CUX1: variants seen among roughly 807,000 people sequenced by gnomAD.
The protein encoded by CUX1 is protein CASP.
CUX1 carries 31 observed loss-of-function variants against 158.8 expected under a neutral mutation model. The ratio of observed to expected loss-of-function variants is 0.20; its 90% CI spans 0.15 to 0.26. CUX1 has a LOEUF of 0.26. Among genes scored for constraint, CUX1 ranks in the 10% least tolerant of loss-of-function variants. CUX1 has a pLI of 1.00. For missense variants in CUX1, 1,589 were observed against 2,014.6 expected (o/e 0.79, Z 4.04); for synonymous variants, 879 against 862.1 (o/e 1.02, Z -0.34).
chr7:102,063,619 C>G lies in CUX1; in HGVS notation c.190-6720C>G, dbSNP rs139042932. Among the ~76,000 whole-genome samples the G allele has an allele frequency of 5.8e-3, 887 of 152,218 alleles. 8 individuals carry two copies. The highest frequency in any genetic ancestry group is 0.021 in the African/African-American group (858 of 41,548). ...TGTTGGCCAGGCTGGTCTCGAACTC[C>G]TGACCTCAAGTGATCCACCCACCTT... is the stretch of plus-strand genomic sequence containing the variant. On this transcript the variant is annotated intron_variant, in intron 3 of 23. Coordinates refer to ENST00000292535, the MANE Select transcript of CUX1 (RefSeq NM_181552.4).
chr7:102,253,043 A>G lies in CUX1; in HGVS notation c.*4001A>G. Reference sequence around the variant, plus strand: ...TTTGTGCAAGTAATTGAGGCAAAAGATACCAGTCGACAGCCTCCCTGGGGT... The same window carrying G: ...TTTGTGCAAGTAATTGAGGCAAAAGGTACCAGTCGACAGCCTCCCTGGGGT... On this transcript the variant is annotated 3_prime_UTR_variant, in exon 24 of 24. Transcript: ENST00000292535. The G allele has an allele frequency of 1.0e-6, 1 of 985,450 alleles. No individual in the cohort carries two copies. Among genetic ancestry groups the G allele is most frequent in the Non-Finnish European group, 1.2e-6 (1 of 829,940 alleles). The allele number at this position is 985,450 out of a possible 1,614,324, so 61.0% of individuals were successfully genotyped here. A position where few individuals can be genotyped will look rare whatever the true frequency, so the allele number is the denominator to read the frequency against.
chr7:101,947,756 G>T (rs1808572485), intron 2 of CUX1, among the ~76,000 whole-genome samples: 1 of 152,136 alleles, frequency 6.6e-6, no homozygotes, highest in African/African-American at 2.4e-5. Context: ...TTTTAAAGCA[G>T]TAAATGAAAT....
chr7:102,253,427 A>G lies in CUX1; in HGVS notation c.*4385A>G. 1.0e-6 allele frequency: 1 copy of G among 985,506 alleles called. No individual in the cohort carries two copies. The allele number at this position is 985,506 out of a possible 1,614,324, so 61.0% of individuals were successfully genotyped here. A position where few individuals can be genotyped will look rare whatever the true frequency, so the allele number is the denominator to read the frequency against. On this transcript the variant is annotated 3_prime_UTR_variant, in exon 24 of 24. Coordinates refer to ENST00000292535, the MANE Select transcript of CUX1 (RefSeq NM_181552.4). ...AAAAGAGAGGGGAACAGGAGTCCCC[A>G]GGTGAGCTCTCTGACGGGCAGGTGC...
intron 1 of CUX1, among the ~76,000 whole-genome samples, chr7:101,826,164 C>A (rs1156899337): frequency 6.6e-6 from 1 of 152,054 alleles, no homozygotes; most frequent in Non-Finnish European, 1.5e-5. Context: ...CTCTGTACAT[C>A]TGAGCTTCAA....
chr7:102,044,507 A>C (rs1822508846), intron 3 of CUX1, among the ~76,000 whole-genome samples: 1 of 152,092 alleles, frequency 6.6e-6, no homozygotes, highest in East Asian at 1.9e-4. Context: ...CCCATTTTCT[A>C]AACAGGGTGC....
At chr7:102,159,319 C>T (rs1554506358) in intron 9 of CUX1, among the ~76,000 whole-genome samples, 1 of 152,242 alleles carries the variant, frequency 6.6e-6, no homozygotes, top group African/African-American at 2.4e-5. Context: ...CCAAAGAGGG[C>T]TCTCAGCTGA....
At chr7:102,210,699 T>C (rs374907309) in intron 20 of CUX1, among the ~76,000 whole-genome samples, 12 of 152,324 alleles carry the variant, frequency 7.9e-5, no homozygotes, top group African/African-American at 2.6e-4. Context: ...CCAAGCCTTC[T>C]CTGCTGCCTG....
Position 102,060,608 on chromosome 7 carries a change from A to AACACACACACACACACACACAC in CUX1, c.190-9716_190-9695dup, listed in dbSNP as rs58786987. 3.5e-4 allele frequency among the ~76,000 whole-genome samples: 47 copies of AACACACACACACACACACACAC among 133,306 alleles called. 1 individual carries two copies. The highest frequency in any genetic ancestry group is 2.8e-3 in the Admixed American group (36 of 12,778). The allele number at this position is 133,306 out of a possible 152,430, so 87.5% of individuals were successfully genotyped here. A position where few individuals can be genotyped will look rare whatever the true frequency, so the allele number is the denominator to read the frequency against. ...ATATATATATACACACACACAAATA[A>AACACACACACACACACACACAC]ACACACACACACACACACACACACA... On this transcript the variant is annotated intron_variant, in intron 3 of 23. Transcript: ENST00000292535.
intron 16 of CUX1, chr7:102,274,361 C>T (rs1791448114): frequency 5.3e-6 from 8 of 1,500,992 alleles, no homozygotes; most frequent in Non-Finnish European, 7.4e-6. Flanking sequence ...GAAGAGGAGA[C>T]AGGTGATACC....
intron 1 of CUX1, among the ~76,000 whole-genome samples, chr7:101,884,976 C>T (rs1326122019): frequency 5.9e-5 from 9 of 152,166 alleles, no homozygotes; most frequent in South Asian, 2.1e-4. Context: ...TTCATTTCCT[C>T]GCTGGGTTCC....
chr7:101,893,961 T>C (rs1801190332), intron 1 of CUX1, among the ~76,000 whole-genome samples: 1 of 152,218 alleles, frequency 6.6e-6, no homozygotes. Flanking sequence ...AATCTTCTTG[T>C]GGATATTTAA....
In CUX1 at chr7:102,196,924, A is replaced by T; in HGVS notation, c.1513A>T (p.Met505Leu). Residue 505 changes from methionine (M) to leucine (L), a missense_variant, in exon 15 of 24, where the codon ATG becomes TTG. Physicochemically the swap from Met to Leu is conservative, Grantham distance 15. This residue lies in a region of CUX1 where 515 missense variants were observed against 574.4 expected (regional missense o/e 0.90). Transcript: ENST00000292535. Reference sequence around the variant, plus strand: ...TATGCAGGAAGCCGGAAGCACAAGCATGATTTTTTCAACAGGTCCATACAG... The same window carrying T: ...TATGCAGGAAGCCGGAAGCACAAGCTTGATTTTTTCAACAGGTCCATACAG... The part of the protein sequence containing the change: ...KAMQEAGSTS[M>L]IFSTGPYSTN... The T allele has an allele frequency of 6.2e-7, 1 of 1,614,210 alleles. No individual in the cohort carries two copies. Among genetic ancestry groups the T allele is most frequent in the Non-Finnish European group, 8.5e-7 (1 of 1,180,038 alleles).
chr7:102,194,089 G>C (rs781859498), intron 13 of CUX1, 199 bp downstream of exon 13: 57 of 653,436 alleles, frequency 8.7e-5, no homozygotes, highest in Non-Finnish European at 1.5e-4. Flanking sequence ...TGTGTCCAAG[G>C]CATGAACCAG....
chr7:102,274,260 G>T lies in CUX1; in HGVS notation c.1400G>T (p.Arg467Leu), dbSNP rs146554363. 69 of 1,613,412 alleles carry T rather than the reference G, an allele frequency of 4.3e-5. No homozygotes were observed. In the African/African-American group the frequency reaches 4.9e-4, roughly 12 times the overall value. The change falls in exon 16 of 23, where the codon CGC becomes CTC. Residue 467 changes from arginine to leucine, a missense_variant. Physicochemically the swap from Arg to Leu is moderately radical, Grantham distance 102. Transcript: ENST00000292538. ...CACCTGCAGGGTGCCGCTGAGCACC[G>T]CCTGGAGAAGATCCCAGAGCCCATC...
intron 4 of CUX1, among the ~76,000 whole-genome samples, chr7:102,073,259 C>T (rs923512632): frequency 2.2e-5 from 3 of 137,610 alleles, no homozygotes; most frequent in Non-Finnish European, 4.6e-5. Context: ...CTGCAACCTT[C>T]GCCTCCCAGG....
intron 2 of CUX1, among the ~76,000 whole-genome samples, chr7:101,963,753 G>A (rs1321962275): frequency 6.6e-6 from 1 of 152,158 alleles, no homozygotes; most frequent in African/African-American, 2.4e-5. Context: ...TTGGGCTCAA[G>A]TGATCCTCCC....
chr7:102,283,113 C>T (rs781809029), exon 23 of CUX1: 1 of 1,601,322 alleles, frequency 6.2e-7, no homozygotes, highest in Non-Finnish European at 8.6e-7. Flanking sequence ...TCCCCCGTGA[C>T]AGTGACGGCT....
At chr7:101,940,011 T>C (rs1384220446) in intron 2 of CUX1, among the ~76,000 whole-genome samples, 1 of 146,010 alleles carries the variant, frequency 6.8e-6, no homozygotes, top group Non-Finnish European at 1.5e-5. Context: ...ACCCGGGAGG[T>C]GGAGGTTGCA....
At chr7:102,243,680 A>AAT (rs1800494290) in intron 23 of CUX1, among the ~76,000 whole-genome samples, 1 of 115,838 alleles carries the variant, frequency 8.6e-6, no homozygotes, top group Non-Finnish European at 1.9e-5. Context: ...ATAATAATAA[A>AAT]ATAAATGAAG....
Sources: allele counts gnomAD v4.1 joint callset (sites outside exome capture counted in the v4.1 genomes callset), GRCh38; gene constraint gnomAD v4.1.1; regional missense constraint gnomAD v4.1.1; transcripts MANE v1.5; gene names NCBI Gene and HGNC (gene_info 2026-07-23, HGNC 2026-07-21).